Variants in C7orf78 observed in about 807,000 individuals in gnomAD.
The protein encoded by C7orf78 is putative uncharacterized protein C7orf78.
At chr7:12,524,817 C>CA in the C7orf78 span, among the ~76,000 whole-genome samples, 21 of 151,336 alleles carry the variant, frequency 1.4e-4, no homozygotes, top group African/African-American at 4.9e-4. Flanking sequence ...CACTCCATCT[C>CA]AAAAAATAAT....
the C7orf78 span, among the ~76,000 whole-genome samples, chr7:12,490,071 G>T: frequency 6.6e-6 from 1 of 151,986 alleles, no homozygotes; most frequent in East Asian, 1.9e-4. Context: ...TCTTGCTGTG[G>T]TAAGCACAAT....
chr7:12,486,682 C>A, the C7orf78 span, among the ~76,000 whole-genome samples: 5 of 151,948 alleles, frequency 3.3e-5, no homozygotes, highest in Non-Finnish European at 7.4e-5. Flanking sequence ...ACATTGTGGG[C>A]TCTGGATAGA....
chr7:12,508,999 G>C, the C7orf78 span, among the ~76,000 whole-genome samples: 1 of 152,132 alleles, frequency 6.6e-6, no homozygotes, highest in Non-Finnish European at 1.5e-5. Context: ...AATAATAATA[G>C]AAATAAAGTG....
At chr7:12,526,452 G>C in the C7orf78 span, among the ~76,000 whole-genome samples, 340 of 152,178 alleles carry the variant, frequency 2.2e-3, 1 homozygote, top group African/African-American at 7.8e-3. Flanking sequence ...TTTGGATTAG[G>C]AGGGACAATA....
the C7orf78 span, chr7:12,529,061 C>T: frequency 2.0e-5 from 8 of 398,252 alleles, no homozygotes; most frequent in Admixed American, 8.8e-5. Context: ...TTGACTTTCT[C>T]TATAGCTGTT....
the C7orf78 span, among the ~76,000 whole-genome samples, chr7:12,497,466 A>G: frequency 5.9e-5 from 4 of 67,980 alleles, no homozygotes; most frequent in African/African-American, 5.0e-5. Context: ...GGGGTGACGG[A>G]CGGCACCTGG....
the C7orf78 span, among the ~76,000 whole-genome samples, chr7:12,494,819 T>C: frequency 6.6e-6 from 1 of 152,168 alleles, no homozygotes; most frequent in Non-Finnish European, 1.5e-5. Context: ...CTCCTCCTAG[T>C]GGTAAGGCTG....
At chr7:12,528,370 G>A in the C7orf78 span, among the ~76,000 whole-genome samples, 1 of 151,116 alleles carries the variant, frequency 6.6e-6, no homozygotes, top group East Asian at 1.9e-4. Context: ...AGCTTTCCTA[G>A]TATATGCTAT....
the C7orf78 span, among the ~76,000 whole-genome samples, chr7:12,524,349 T>C: frequency 2.6e-5 from 4 of 152,278 alleles, no homozygotes; most frequent in Admixed American, 1.3e-4. Context: ...AGGATAAAAT[T>C]TGGAAAATAC....
the C7orf78 span, among the ~76,000 whole-genome samples, chr7:12,534,876 C>G: frequency 6.6e-6 from 1 of 151,838 alleles, no homozygotes; most frequent in South Asian, 2.1e-4. Context: ...TTTACTTGAG[C>G]CCAGAAGGTT....
the C7orf78 span, chr7:12,528,858 A>T: frequency 2.5e-6 from 1 of 397,902 alleles, no homozygotes; most frequent in South Asian, 1.3e-4. Flanking sequence ...ATGAACAAAG[A>T]CACGTGCCAT....
chr7:12,489,794 T>C, the C7orf78 span, among the ~76,000 whole-genome samples: 59 of 152,260 alleles, frequency 3.9e-4, no homozygotes, highest in Middle Eastern at 0.01. Context: ...GGACCAATAT[T>C]GCTGCATTTT....
the C7orf78 span, among the ~76,000 whole-genome samples, chr7:12,499,031 T>G: frequency 6.6e-6 from 1 of 151,842 alleles, no homozygotes. Context: ...GACAAGCAAA[T>G]GCTGAGAGAT....
chr7:12,508,408 C>G, the C7orf78 span, among the ~76,000 whole-genome samples: 1 of 151,064 alleles, frequency 6.6e-6, no homozygotes, highest in Non-Finnish European at 1.5e-5. Flanking sequence ...GAAAAAAAAT[C>G]AGTCCATGAT....
chr7:12,495,111 C>T, the C7orf78 span, among the ~76,000 whole-genome samples: 40 of 152,274 alleles, frequency 2.6e-4, no homozygotes, highest in African/African-American at 8.9e-4. Context: ...AAAATGTTCA[C>T]CCACCATGTG....
the C7orf78 span, chr7:12,491,166 A>G: frequency 6.6e-6 from 1 of 152,192 alleles, no homozygotes; most frequent in Admixed American, 6.5e-5. Flanking sequence ...GGATCACAGT[A>G]AATGGATTTC....
chr7:12,529,358 C>T, the C7orf78 span, among the ~76,000 whole-genome samples: 1 of 151,716 alleles, frequency 6.6e-6, no homozygotes, highest in Non-Finnish European at 1.5e-5. Context: ...TAACTTTAGA[C>T]AAGATACTAA....
the C7orf78 span, among the ~76,000 whole-genome samples, chr7:12,493,326 T>C: frequency 6.6e-6 from 1 of 152,194 alleles, no homozygotes; most frequent in Admixed American, 6.5e-5. Context: ...AAACTAAATA[T>C]GTGTAGGAAT....
At chr7:12,510,768 A>G in the C7orf78 span, among the ~76,000 whole-genome samples, 2 of 152,004 alleles carry the variant, frequency 1.3e-5, no homozygotes, top group African/African-American at 4.8e-5. Flanking sequence ...TGAGTTGTTT[A>G]AGTTCCTTGT....
Sources: allele counts gnomAD v4.1 joint callset (sites outside exome capture counted in the v4.1 genomes callset), GRCh38; gene constraint gnomAD v4.1.1; transcripts MANE v1.5; gene names NCBI Gene and HGNC (gene_info 2026-07-23, HGNC 2026-07-21).